Variants in PRKDC observed in about 807,000 individuals in gnomAD.
PRKDC encodes protein kinase, DNA-activated, catalytic subunit.
A neutral mutation model predicts 486.9 loss-of-function variants in PRKDC; 82 were observed. That is an observed-to-expected ratio of 0.17 (90% CI 0.14 to 0.20). The LOEUF is 0.20. PRKDC is among the 10% of genes least tolerant of loss of function. PRKDC has a pLI of 1.00. For synonymous variants in PRKDC, 1,895 were observed against 1,837.0 expected (o/e 1.03, Z -0.81); for missense variants, 4,504 against 5,038.2 (o/e 0.89, Z 3.21).
At chr8:47,806,135 T>C (rs2087211711) in intron 69 of PRKDC, among the ~76,000 whole-genome samples, 1 of 152,214 alleles carries the variant, frequency 6.6e-6, no homozygotes, top group Admixed American at 6.5e-5. Context: ...CAGAAGCTCT[T>C]CTCTTCCCTG....
At chr8:47,934,158 T>C (rs2090306921) in intron 14 of PRKDC, 68 bp from the exon 15 acceptor site, 2 of 1,493,374 alleles carry the variant, frequency 1.3e-6, no homozygotes, top group African/African-American at 1.4e-5. Context: ...TGCCAGAACA[T>C]GCTGGTTTTC....
At position 47,882,026 on chromosome 8, in the gene PRKDC, C is replaced by T; in HGVS notation, c.4848G>A (p.Leu1616=). The stretch of plus-strand genomic sequence containing the variant: ...GTTGCAGAATTGTAGTCGCAAGTTT[C>T]AGTCCTTGGTGTTTCTGGTTTGCTC... ...RERANQKHQG[L]KLATTILQHW... Residue 1616 remains leucine, a synonymous_variant, in exon 37 of 86, where the codon CTG becomes CTA. Transcript: ENST00000314191. 6.2e-7 allele frequency: 1 copy of T among 1,614,050 alleles called. No individual in the cohort carries two copies. The highest frequency in any genetic ancestry group is 8.5e-7 in the Non-Finnish European group (1 of 1,179,894).
At chr8:47,826,633 A>G (rs894309591) in intron 63 of PRKDC, 23 bp downstream of exon 63, 6 of 1,591,534 alleles carry the variant, frequency 3.8e-6, no homozygotes, top group Non-Finnish European at 5.2e-6. Flanking sequence ...TGTGCTCCCA[A>G]GAGCACCTGA....
chr8:47,813,762 C>T (rs1292544774), intron 68 of PRKDC, among the ~76,000 whole-genome samples: 1 of 152,072 alleles, frequency 6.6e-6, no homozygotes, highest in Non-Finnish European at 1.5e-5. Context: ...TTAGTAGAGA[C>T]AGGTTTTGTC....
At chr8:47,833,015 C>T (rs1367910731) in intron 59 of PRKDC, among the ~76,000 whole-genome samples, 1 of 152,214 alleles carries the variant, frequency 6.6e-6, no homozygotes, top group Non-Finnish European at 1.5e-5. Flanking sequence ...AGCTCCACAG[C>T]AGCACTCCCG....
chr8:47,834,190 G>C lies in PRKDC; in HGVS notation c.8152+6C>G, dbSNP rs2087952818. 1.9e-6 allele frequency: 3 copies of C among 1,613,890 alleles called. No individual in the cohort carries two copies. Among genetic ancestry groups the C allele is most frequent in the African/African-American group, 1.3e-5 (1 of 74,922 alleles). ...TATTTTAAGCACACTCAGCAACCCAGCTTACCTTTCACTTTGTTATCCACC... is the reference window on the plus strand; with the variant it reads ...TATTTTAAGCACACTCAGCAACCCACCTTACCTTTCACTTTGTTATCCACC... On this transcript the variant is annotated splice_donor_region_variant and intron_variant, in intron 59 of 85. Coordinates refer to ENST00000314191, the MANE Select transcript of PRKDC (RefSeq NM_006904.7).
rs768839080 is a variant in PRKDC, at chr8:47,953,735, T to C, written c.622-16A>G. The C allele has an allele frequency of 8.1e-6, 13 of 1,601,222 alleles. No individual in the cohort carries two copies. Among genetic ancestry groups the C allele is most frequent in the South Asian group, 1.1e-5 (1 of 88,942 alleles). On this transcript the variant is annotated splice_polypyrimidine_tract_variant and intron_variant, in intron 6 of 85. Coordinates refer to ENST00000314191, the MANE Select transcript of PRKDC (RefSeq NM_006904.7). Reference sequence around the variant, plus strand: ...CTGATGTCATCTAAAAGAAAAGATTTAAGAAGATGTCATTACAAGAGAAAA... The same window carrying C: ...CTGATGTCATCTAAAAGAAAAGATTCAAGAAGATGTCATTACAAGAGAAAA...
At chr8:47,887,160 T>C (rs1025312152) in intron 35 of PRKDC, among the ~76,000 whole-genome samples, 1 of 152,182 alleles carries the variant, frequency 6.6e-6, no homozygotes, top group Non-Finnish European at 1.5e-5. Flanking sequence ...GCCATGAGAA[T>C]ATTTTTTTGG....
At chr8:47,879,192 G>C (rs189399687) in intron 39 of PRKDC, among the ~76,000 whole-genome samples, 42 of 152,216 alleles carry the variant, frequency 2.8e-4, no homozygotes, top group African/African-American at 8.9e-4. Flanking sequence ...ACAAATTCCA[G>C]TGGATTCACA....
chr8:47,919,723 GTTTT>G (rs200600818), intron 21 of PRKDC, among the ~76,000 whole-genome samples: 1 of 127,050 alleles, frequency 7.9e-6, no homozygotes, highest in Non-Finnish European at 1.7e-5. Context: ...GTTTTTAGTG[GTTTT>G]TTTTTTTTTT....
chr8:47,902,090 T>C (rs1412352169), intron 27 of PRKDC, among the ~76,000 whole-genome samples: 1 of 152,168 alleles, frequency 6.6e-6, no homozygotes, highest in Non-Finnish European at 1.5e-5. Context: ...AGAGCCCTCC[T>C]CGCCAGCCTC....
chr8:47,895,844 G>A (rs1251668992), intron 30 of PRKDC, among the ~76,000 whole-genome samples: 1 of 152,132 alleles, frequency 6.6e-6, no homozygotes, highest in East Asian at 1.9e-4. Context: ...TTTGAGACCA[G>A]ACTGGCCAAC....
intron 22 of PRKDC, among the ~76,000 whole-genome samples, chr8:47,915,840 A>G (rs1052660544): frequency 7.9e-5 from 12 of 152,238 alleles, no homozygotes; most frequent in Non-Finnish European, 1.8e-4. Context: ...AGAAATTTTA[A>G]ATAGTCTTTT....
rs904894315 is a variant in PRKDC at position 47,773,559 on chromosome 8, G to A, written c.*614C>T. 4.5e-6 allele frequency: 1 copy of A among 220,578 alleles called. No homozygotes were observed. The highest frequency in any genetic ancestry group is 9.1e-6 in the Non-Finnish European group (1 of 110,276). 13.7% of individuals were successfully genotyped at this position (220,578 alleles called of 1,614,324 possible). A position where few individuals can be genotyped will look rare whatever the true frequency, so the allele number is the denominator to read the frequency against. ...CTAAATAAAGACGTTTCCTTCTAGA[G>A]AGCAAATCTATCATAAAATGTCAAA... On this transcript the variant is annotated 3_prime_UTR_variant, in exon 86 of 86. Coordinates refer to ENST00000314191, the MANE Select transcript of PRKDC (RefSeq NM_006904.7).
At chr8:47,819,354 C>T in intron 67 of PRKDC, 48 bp downstream of exon 67, 1 of 1,234,208 alleles carries the variant, frequency 8.1e-7, no homozygotes, top group Non-Finnish European at 1.1e-6. Context: ...GATGCTAAAA[C>T]TCTTCCACAA....
In PRKDC at chr8:47,953,869, T is replaced by C. The variant is rs774978483; in HGVS notation, c.559A>G (p.Ser187Gly). 6.6e-5 allele frequency: 104 copies of C among 1,566,252 alleles called. No individual in the cohort carries two copies. Among genetic ancestry groups the C allele is most frequent in the Non-Finnish European group, 9.0e-5 (104 of 1,153,364 alleles). ...TTTTCTGCATTATTTATCATCTCAC[T>C]AGGATGAACTTCACCCAATAATCCT... ...LLGLLGEVHPSEMINNAENLF... is the reference protein window; with the variant it reads ...LLGLLGEVHPGEMINNAENLF... Residue 187 changes from serine to glycine, a missense_variant, in exon 6 of 86, where the codon AGT becomes GGT. Around this residue, in one of 6 missense-constraint regions of PRKDC, gnomAD observed 1,969 missense variants for 2,068.9 expected, o/e 0.95. Coordinates refer to ENST00000314191, the MANE Select transcript of PRKDC (RefSeq NM_006904.7).
At chr8:47,891,197 G>A (rs903143822) in intron 31 of PRKDC, among the ~76,000 whole-genome samples, 2 of 152,232 alleles carry the variant, frequency 1.3e-5, no homozygotes, top group South Asian at 2.1e-4. Flanking sequence ...TTACTCCAAG[G>A]TGCACAGCCC....
In PRKDC at chr8:47,801,102, C is replaced by T. The variant is rs1469326965; in HGVS notation, c.9923-116G>A. On this transcript the variant is annotated intron_variant, in intron 70 of 85. Coordinates refer to ENST00000314191, the MANE Select transcript of PRKDC (RefSeq NM_006904.7). ...TTCTTTTGTTTTTGGGATAGGGTCT[C>T]GCTCTGTTACCCAGGCTGGAGTGCA... The T allele has an allele frequency of 6.9e-6, 7 of 1,019,610 alleles. No individual in the cohort carries two copies. The Admixed American group carries it at 7.2e-5, about 10-fold the overall frequency. 63.2% of individuals were successfully genotyped at this position (1,019,610 alleles called of 1,614,324 possible).
Position 47,777,887 on chromosome 8 carries a change from A to G in PRKDC, c.11854-13T>C, listed in dbSNP as rs984082298. On this transcript the variant is annotated splice_polypyrimidine_tract_variant and intron_variant, in intron 83 of 85. Transcript: ENST00000314191. ...GGACTGGCAGAAACTAAACAAGAAA[A>G]AAGGCAAGGAGCAGAATATGTAAGC... 5.6e-6 allele frequency: 9 copies of G among 1,611,598 alleles called. No individual in the cohort carries two copies. Among genetic ancestry groups the G allele is most frequent in the Non-Finnish European group, 7.6e-6 (9 of 1,178,676 alleles).
Sources: allele counts gnomAD v4.1 joint callset (sites outside exome capture counted in the v4.1 genomes callset), GRCh38; gene constraint gnomAD v4.1.1; regional missense constraint gnomAD v4.1.1; transcripts MANE v1.5; gene names NCBI Gene and HGNC (gene_info 2026-07-23, HGNC 2026-07-21).